DAB2IP: variants seen among roughly 807,000 people sequenced by gnomAD.
The protein encoded by DAB2IP is disabled homolog 2-interacting protein.
A neutral mutation model predicts 107.2 loss-of-function variants in DAB2IP; 28 were observed. The ratio of observed to expected loss-of-function variants is 0.26; its 90% confidence interval spans 0.19 to 0.36. DAB2IP has a LOEUF of 0.36. Among genes scored for constraint, DAB2IP ranks in the 10% least tolerant of loss-of-function variants. The pLI, the probability that DAB2IP is intolerant of heterozygous loss-of-function variation, is 1.00. For missense variants in DAB2IP, 1,400 were observed against 1,644.7 expected (o/e 0.85, Z 2.57); for synonymous variants, 755 against 706.4 (o/e 1.07, Z -1.09).
chr9:121,752,672 C>A (rs1229920352), intron 3 of DAB2IP, among the ~76,000 whole-genome samples: 2 of 152,218 alleles, frequency 1.3e-5, no homozygotes, highest in Non-Finnish European at 2.9e-5. Context: ...CGAGAGTGGG[C>A]CTGGTCAGGT....
chr9:121,773,721 A>G lies in DAB2IP; in HGVS notation c.2967+226A>G, dbSNP rs181488018. The stretch of plus-strand genomic sequence containing the variant: ...TTGGGGAACTCCAGGCTCCTCTGTC[A>G]GTGCCCCTAGGGGCAGGCTGGGGTC... On this transcript the variant is annotated intron_variant, in intron 12 of 15. Coordinates refer to ENST00000408936, the Ensembl canonical transcript of DAB2IP. 2.9e-3 allele frequency among the ~76,000 whole-genome samples: 443 copies of G among 152,274 alleles called. 1 individual carries two copies. The highest frequency in any genetic ancestry group is 5.9e-3 in the African/African-American group (244 of 41,562).
intron 2 of DAB2IP, among the ~76,000 whole-genome samples, chr9:121,681,572 G>C (rs1304186323): frequency 1.3e-5 from 2 of 152,140 alleles, no homozygotes; most frequent in Non-Finnish European, 2.9e-5. Flanking sequence ...CAACCCTCTA[G>C]GGGAGGCACC....
intron 1 of DAB2IP, among the ~76,000 whole-genome samples, chr9:121,652,127 G>A (rs1832769207): frequency 6.6e-6 from 1 of 152,182 alleles, no homozygotes; most frequent in Non-Finnish European, 1.5e-5. Flanking sequence ...CAGGGACAGG[G>A]AGAGGGGAGC....
chr9:121,762,169 T>C (rs548200427), intron 6 of DAB2IP, among the ~76,000 whole-genome samples: 1 of 151,890 alleles, frequency 6.6e-6, no homozygotes, highest in South Asian at 2.1e-4. Flanking sequence ...AGTAACGGAG[T>C]CTGGGAAGCA....
At chr9:121,668,123 TG>T in intron 1 of DAB2IP, among the ~76,000 whole-genome samples, 1 of 152,202 alleles carries the variant, frequency 6.6e-6, no homozygotes, top group East Asian at 1.9e-4. Context: ...GTGCGAATTA[TG>T]GGAGTACAAT....
At position 121,654,434 on chromosome 9, in the gene DAB2IP, TTTTG is replaced by T. The variant is rs201949718; in HGVS notation, c.124+2555_124+2558del. ...TAGCAAGACCCTGTCTCAATATTGT[TTTTG>T]TTTGTTTGTTTGTTTGTTTTTTTAA... On this transcript the variant is annotated intron_variant, in intron 1 of 15. Transcript: ENST00000408936. Among the ~76,000 whole-genome samples, 1,096 of 152,026 alleles carry T rather than the reference TTTTG, an allele frequency of 7.2e-3. 17 individuals carry two copies. Among genetic ancestry groups the T allele is most frequent in the African/African-American group, 0.024 (1,014 of 41,446 alleles).
intron 1 of DAB2IP, among the ~76,000 whole-genome samples, chr9:121,577,197 T>C (rs1049966936): frequency 6.6e-5 from 10 of 152,186 alleles, no homozygotes; most frequent in African/African-American, 2.4e-4. Context: ...CCCCTTCCCC[T>C]GGACACAGCC....
intron 2 of DAB2IP, among the ~76,000 whole-genome samples, chr9:121,682,319 T>A (rs1828641262): frequency 6.6e-6 from 1 of 152,234 alleles, no homozygotes. Flanking sequence ...ACTGCCACCT[T>A]CACTGCCATT....
chr9:121,616,839 C>T (rs1209871870), intron 1 of DAB2IP, among the ~76,000 whole-genome samples: 1 of 152,234 alleles, frequency 6.6e-6, no homozygotes, highest in African/African-American at 2.4e-5. Context: ...AGAGCAGCGG[C>T]TCCCAGTTGG....
At chr9:121,741,542 A>G (rs1832346584) in intron 3 of DAB2IP, among the ~76,000 whole-genome samples, 1 of 152,046 alleles carries the variant, frequency 6.6e-6, no homozygotes, top group Admixed American at 6.5e-5. Flanking sequence ...CAGGCCTCAA[A>G]GGATTTGGGC....
At chr9:121,751,979 A>G in intron 3 of DAB2IP, 5 of 985,426 alleles carry the variant, frequency 5.1e-6, no homozygotes, top group Non-Finnish European at 6.0e-6. Context: ...GCCATGGAGG[A>G]CAGGTAAAGG....
At chr9:121,625,607 CAG>C (rs1831617745) in intron 1 of DAB2IP, among the ~76,000 whole-genome samples, 1 of 151,238 alleles carries the variant, frequency 6.6e-6, no homozygotes, top group Non-Finnish European at 1.5e-5. Context: ...GTTTGGGTTG[CAG>C]TGAGTAGGTT....
intron 1 of DAB2IP, among the ~76,000 whole-genome samples, chr9:121,641,995 TTCTCTCTCTCTC>T (rs71370683): frequency 8.6e-5 from 3 of 35,004 alleles, no homozygotes; most frequent in African/African-American, 2.9e-4. Flanking sequence ...TTTCTTTCCT[TTCTCTCTCTCTC>T]TCTCTCTCTC....
intron 3 of DAB2IP, chr9:121,751,986 A>G: frequency 1.0e-6 from 1 of 985,414 alleles, no homozygotes. Context: ...AGGACAGGTA[A>G]AGGGTCTCTA....
intron 1 of DAB2IP, among the ~76,000 whole-genome samples, chr9:121,655,381 A>T (rs1336373769): frequency 1.4e-5 from 2 of 143,944 alleles, no homozygotes; most frequent in Non-Finnish European, 3.2e-5. Flanking sequence ...ATTTTCCTCT[A>T]GCCCTGGATA....
chr9:121,668,907 C>CTTTTTTTTTTTT, intron 1 of DAB2IP, among the ~76,000 whole-genome samples: 1 of 72,154 alleles, frequency 1.4e-5, no homozygotes, highest in Non-Finnish European at 2.4e-5. Context: ...GTAAGCCTTA[C>CTTTTTTTTTTTT]TTTTTTTTTT....
exon 16 of DAB2IP, chr9:121,784,774 C>CG (rs976501158): frequency 8.5e-5 from 13 of 153,404 alleles, no homozygotes; most frequent in East Asian, 1.9e-4. Context: ...TTGGTGTCTG[C>CG]GGGGGGTGTC....
intron 14 of DAB2IP, among the ~76,000 whole-genome samples, chr9:121,778,906 T>A (rs1241956692): frequency 6.6e-6 from 1 of 152,032 alleles, no homozygotes; most frequent in East Asian, 1.9e-4. Context: ...TTGTCAGTAG[T>A]TGGATTGTGA....
rs1343605491 is a variant in DAB2IP at position 121,782,506 on chromosome 9, G to A, written c.*8G>A. ...AACAGCAGCAATTGTTAACCTGCCT[G>A]AGGAGGGAGGAAGCTACCCAAGGAG... On this transcript the variant is annotated 3_prime_UTR_variant, in exon 16 of 16. Transcript: ENST00000408936. The surrounding 1 kb of genome is among the most constrained non-coding windows in gnomAD (Gnocchi z 6.1). 2 of 1,613,016 alleles carry A rather than the reference G, an allele frequency of 1.2e-6. No homozygotes were observed. Among genetic ancestry groups the A allele is most frequent in the Admixed American group, 1.7e-5 (1 of 59,994 alleles).
Sources: allele counts gnomAD v4.1 joint callset (sites outside exome capture counted in the v4.1 genomes callset), GRCh38; gene constraint gnomAD v4.1.1; non-coding constraint Gnocchi (gnomAD v3.1); transcripts MANE v1.5; gene names NCBI Gene and HGNC (gene_info 2026-07-23, HGNC 2026-07-21).